MAN2A1: variants seen among roughly 807,000 people sequenced by gnomAD.
MAN2A1 encodes alpha-mannosidase 2.
In MAN2A1, 76 loss-of-function variants were observed where a neutral mutation model predicts 142.6. That is an observed-to-expected ratio of 0.53 (90% CI 0.44 to 0.65). The LOEUF is 0.65. MAN2A1 is among the 30% of genes least tolerant of loss of function. The probability of loss-of-function intolerance (pLI) is 0.00; values close to 1 mark genes in which losing one functional copy is unlikely to be tolerated. For missense variants in MAN2A1, 1,311 were observed against 1,365.1 expected (o/e 0.96, Z 0.62); for synonymous variants, 559 against 473.2 (o/e 1.18, Z -2.35).
At chr5:109,804,579 C>A (rs549668852) in intron 12 of MAN2A1, among the ~76,000 whole-genome samples, 1 of 151,942 alleles carries the variant, frequency 6.6e-6, no homozygotes, top group South Asian at 2.1e-4. Context: ...TATCTTTAAT[C>A]GGTTCATTGG....
intron 19 of MAN2A1, among the ~76,000 whole-genome samples, chr5:109,849,102 C>G (rs1465902938): frequency 6.6e-6 from 1 of 152,168 alleles, no homozygotes; most frequent in African/African-American, 2.4e-5. Context: ...TTTGGTTTTC[C>G]TCCTACCTGT....
intron 16 of MAN2A1, among the ~76,000 whole-genome samples, chr5:109,831,930 A>C (rs1471559034): frequency 6.6e-6 from 1 of 151,780 alleles, no homozygotes; most frequent in Non-Finnish European, 1.5e-5. Flanking sequence ...GCAGTTGGTC[A>C]AAAAACATAA....
intron 16 of MAN2A1, among the ~76,000 whole-genome samples, chr5:109,832,559 C>T (rs934831737): frequency 7.9e-5 from 12 of 152,186 alleles, no homozygotes; most frequent in East Asian, 1.9e-4. Flanking sequence ...AATGGAGTCT[C>T]CCATGTCTAC....
intron 19 of MAN2A1, among the ~76,000 whole-genome samples, chr5:109,850,095 G>A (rs1755446352): frequency 1.3e-5 from 2 of 152,152 alleles, no homozygotes; most frequent in South Asian, 4.1e-4. Flanking sequence ...TCCTGCAAGT[G>A]TGCGATTATT....
chr5:109,721,959 C>G (rs913204489), intron 3 of MAN2A1, among the ~76,000 whole-genome samples: 1 of 152,154 alleles, frequency 6.6e-6, no homozygotes, highest in African/African-American at 2.4e-5. Flanking sequence ...AACTTCATGA[C>G]AGAGTCTGTA....
chr5:109,842,881 C>G (rs1471641429), intron 17 of MAN2A1, among the ~76,000 whole-genome samples: 2 of 142,578 alleles, frequency 1.4e-5, no homozygotes, highest in Non-Finnish European at 3.0e-5. Flanking sequence ...TCTCAGCTCA[C>G]TGCAGCCTCT....
intron 4 of MAN2A1, among the ~76,000 whole-genome samples, chr5:109,736,294 T>C (rs1373126714): frequency 6.6e-6 from 1 of 152,186 alleles, no homozygotes; most frequent in Non-Finnish European, 1.5e-5. Flanking sequence ...TAAACATTAA[T>C]AACTGTCTTG....
chr5:109,758,200 T>C (rs1360798313), intron 5 of MAN2A1, among the ~76,000 whole-genome samples: 2 of 152,166 alleles, frequency 1.3e-5, no homozygotes, highest in African/African-American at 2.4e-5. Context: ...TGTCTCTCTT[T>C]TTTATTGTAG....
At chr5:109,711,877 AT>A (rs1249797253) in intron 1 of MAN2A1, among the ~76,000 whole-genome samples, 2 of 146,558 alleles carry the variant, frequency 1.4e-5, no homozygotes, top group Non-Finnish European at 3.0e-5. Flanking sequence ...AGAGATGACA[AT>A]TGCCTTTAAA....
intron 1 of MAN2A1, among the ~76,000 whole-genome samples, chr5:109,706,011 T>C (rs1751120114): frequency 6.6e-6 from 1 of 152,230 alleles, no homozygotes; most frequent in South Asian, 2.1e-4. Context: ...CCTTTTGTCA[T>C]GTAAGGCAAG....
intron 21 of MAN2A1, 50 bp from the exon 22 acceptor site, chr5:109,866,796 T>G: frequency 8.0e-7 from 1 of 1,249,302 alleles, no homozygotes; most frequent in Non-Finnish European, 1.2e-6. Context: ...GTTGTGCTGC[T>G]AATCTTCAAA....
chr5:109,736,956 C>T (rs907711293), intron 4 of MAN2A1, among the ~76,000 whole-genome samples: 5 of 152,042 alleles, frequency 3.3e-5, no homozygotes, highest in Non-Finnish European at 7.4e-5. Context: ...TATTTAATAA[C>T]TGTACTACTG....
At chr5:109,862,799 A>AT (rs1755788833) in intron 20 of MAN2A1, 1 of 152,154 alleles carries the variant, frequency 6.6e-6, no homozygotes, top group Non-Finnish European at 1.5e-5. Flanking sequence ...TGAATATTTG[A>AT]TTTTTTAAAA....
At chr5:109,820,459 CT>C (rs1754593528) in intron 15 of MAN2A1, 117 bp downstream of exon 15, 2 of 1,034,430 alleles carry the variant, frequency 1.9e-6, no homozygotes, top group African/African-American at 3.2e-5. Flanking sequence ...GATAGATGAA[CT>C]TTTGGTTGCA....
chr5:109,716,243 C>A lies in MAN2A1; in HGVS notation c.514C>A (p.Pro172Thr), dbSNP rs1207106604. 1 of 1,599,474 alleles carries A rather than the reference C, an allele frequency of 6.3e-7. No individual in the cohort carries two copies. The highest frequency in any genetic ancestry group is 1.3e-5 in the African/African-American group (1 of 74,324). Residue 172 changes from proline to threonine, a missense_variant, in exon 3 of 22, where the codon CCT becomes ACT. By Grantham distance (38) the Pro-to-Thr change is conservative. Transcript: ENST00000261483. ...DTEPLQVFVV[P>T]HSHNDPGWLK... The stretch of plus-strand genomic sequence containing the variant: ...TGAACCCCTTCAAGTCTTTGTGGTG[C>A]CTCATTCCCATAACGACCCAGGTAA...
chr5:109,788,188 G>A (rs1219325525), intron 10 of MAN2A1, among the ~76,000 whole-genome samples: 1 of 148,316 alleles, frequency 6.7e-6, no homozygotes, highest in Non-Finnish European at 1.5e-5. Context: ...TGCCTGGTCT[G>A]TAGAGCCTTC....
Position 109,690,194 on chromosome 5 carries a change from G to A in MAN2A1, c.-224G>A. Reference sequence around the variant, plus strand: ...GCCGGCGAGTCTCGCCTCGAGAGGGGCGCCCGACCCCGGGGAGGGCGGCAG... The same window carrying A: ...GCCGGCGAGTCTCGCCTCGAGAGGGACGCCCGACCCCGGGGAGGGCGGCAG... On this transcript the variant is annotated 5_prime_UTR_variant, in exon 1 of 22. Transcript: ENST00000261483. The A allele has an allele frequency of 9.7e-6, 5 of 514,270 alleles. No individual in the cohort carries two copies. Among genetic ancestry groups the A allele is most frequent in the South Asian group, 2.4e-5 (1 of 41,528 alleles). The allele number at this position is 514,270 out of a possible 1,614,324, so 31.9% of individuals were successfully genotyped here. A position where few individuals can be genotyped will look rare whatever the true frequency, so the allele number is the denominator to read the frequency against.
At chr5:109,753,748 G>A (rs1752607764) in intron 4 of MAN2A1, among the ~76,000 whole-genome samples, 1 of 152,068 alleles carries the variant, frequency 6.6e-6, no homozygotes, top group South Asian at 2.1e-4. Flanking sequence ...AATTTGGCTT[G>A]AGAGTTGGCT....
At chr5:109,808,823 C>G (rs1406023647) in intron 12 of MAN2A1, among the ~76,000 whole-genome samples, 1 of 151,754 alleles carries the variant, frequency 6.6e-6, no homozygotes, top group Non-Finnish European at 1.5e-5. Flanking sequence ...TGTGCCTCAG[C>G]CTCCTGAGTA....
Sources: gnomAD v4.1 joint callset for allele counts (sites outside exome capture counted in the v4.1 genomes callset) on GRCh38, gnomAD v4.1.1 for gene constraint, MANE v1.5 for transcripts, NCBI Gene and HGNC (gene_info 2026-07-23, HGNC 2026-07-21) for gene names.